Variants in PUM1 observed in about 807,000 individuals in gnomAD.
PUM1 encodes pumilio homolog 1.
Under a neutral mutation model 131.8 loss-of-function variants are expected in PUM1, and 13 were observed. The observed-to-expected ratio is 0.10, with a 90% confidence interval of 0.06 to 0.16. PUM1 has a LOEUF of 0.16. PUM1 is among the 10% of genes least tolerant of loss of function. The pLI is 1.00. For missense variants in PUM1, 961 were observed against 1,512.4 expected, an observed-to-expected ratio of 0.64 and a Z score of 6.05; for synonymous variants, 509 against 556.5, an observed-to-expected ratio of 0.91 and a Z score of 1.20.
At chr1:31,014,211 G>A (rs1484413230) in intron 3 of PUM1, among the ~76,000 whole-genome samples, 2 of 150,820 alleles carry the variant, frequency 1.3e-5, no homozygotes, top group South Asian at 2.1e-4. Flanking sequence ...CTAGGTGGGA[G>A]GATCACCTGA....
chr1:30,935,711 TA>T (rs770453802), intron 21 of PUM1: 25 of 443,728 alleles, frequency 5.6e-5, no homozygotes, highest in South Asian at 3.8e-4. Context: ...TTGAGTCCAT[TA>T]ACAAAGATTC....
At chr1:31,059,676 A>ATTT in intron 1 of PUM1, 99 bp from the exon 2 acceptor site, 1 of 1,400,924 alleles carries the variant, frequency 7.1e-7, no homozygotes, top group Non-Finnish European at 9.6e-7. Flanking sequence ...TACAATAAAT[A>ATTT]AATGTCGTTG....
intron 2 of PUM1, among the ~76,000 whole-genome samples, chr1:31,051,567 T>C (rs1477688028): frequency 1.3e-5 from 2 of 151,968 alleles, no homozygotes; most frequent in Non-Finnish European, 2.9e-5. Flanking sequence ...CCTCCCAAAG[T>C]GCTGGGATTA....
chr1:30,982,539 C>G (rs1450968082), intron 7 of PUM1, among the ~76,000 whole-genome samples: 1 of 152,224 alleles, frequency 6.6e-6, no homozygotes, highest in East Asian at 1.9e-4. Context: ...CTTCAACCTA[C>G]CTGCTCTTCC....
Position 30,964,882 on chromosome 1 carries a change from G to A in PUM1, c.2115C>T (p.Ser705=), listed in dbSNP as rs753071800. 1.2e-6 allele frequency: 2 copies of A among 1,613,956 alleles called. No homozygotes were observed. Among genetic ancestry groups the A allele is most frequent in the African/African-American group, 2.7e-5 (2 of 74,900 alleles). Residue 705 remains serine (S), a synonymous_variant, in exon 14 of 22, where the codon TCC becomes TCT. Transcript: ENST00000426105. Reference sequence around the variant, plus strand: ...TGCTGCCAGTCAGGGAGTCACGGCGGGAGCCACTGCCAGTGTTGGAGTTTG... The same window carrying A: ...TGCTGCCAGTCAGGGAGTCACGGCGAGAGCCACTGCCAGTGTTGGAGTTTG... ...AVANSNTGSG[S]RRDSLTGSSD...
At chr1:30,983,470 G>A (rs1351025389) in intron 7 of PUM1, among the ~76,000 whole-genome samples, 1 of 152,098 alleles carries the variant, frequency 6.6e-6, no homozygotes, top group Non-Finnish European at 1.5e-5. Context: ...CCTATTATTA[G>A]GCAGGTGCTG....
At chr1:30,997,643 G>C (rs78558227) in intron 5 of PUM1, among the ~76,000 whole-genome samples, 2,458 of 152,178 alleles carry the variant, frequency 0.016, 72 homozygotes, top group African/African-American at 0.055. Flanking sequence ...CTCTTCACAA[G>C]GGCTTTACTG....
Position 30,936,652 on chromosome 1 carries a change from G to C in PUM1, c.3426C>G (p.Val1142=), listed in dbSNP as rs1219470033. 1 of 1,613,516 alleles carries C rather than the reference G, an allele frequency of 6.2e-7. No individual in the cohort carries two copies. The highest frequency in any genetic ancestry group is 1.1e-5 in the South Asian group (1 of 91,016). ...GCCCAGCCCGGCCTACCTTATGCATGACGATCTTCCGCTGGCCTGGCTCCG... is the reference window on the plus strand; with the variant it reads ...GCCCAGCCCGGCCTACCTTATGCATCACGATCTTCCGCTGGCCTGGCTCCG... ...DVAEPGQRKI[V]MHKIRPHIAT... is the part of the protein sequence containing the mutation. Residue 1142 remains valine (V), a synonymous_variant, in exon 21 of 22, where the codon GTC becomes GTG. Transcript: ENST00000426105.
At chr1:31,048,108 G>A (rs1209285309) in intron 2 of PUM1, among the ~76,000 whole-genome samples, 8 of 147,356 alleles carry the variant, frequency 5.4e-5, no homozygotes, top group Non-Finnish European at 9.0e-5. Context: ...GCTTGGTGGC[G>A]GGCGCCTATA....
At chr1:31,034,721 C>A (rs1018499897) in intron 2 of PUM1, among the ~76,000 whole-genome samples, 4 of 152,118 alleles carry the variant, frequency 2.6e-5, no homozygotes, top group Admixed American at 1.3e-4. Context: ...AGTAGATTTC[C>A]ATACTTTTAA....
intron 2 of PUM1, among the ~76,000 whole-genome samples, chr1:31,057,035 C>T (rs1644256899): frequency 6.6e-6 from 1 of 152,110 alleles, no homozygotes; most frequent in Non-Finnish European, 1.5e-5. Context: ...TCAGGTGATC[C>T]ACCCACCTCG....
At chr1:31,036,039 T>C (rs1035553166) in intron 2 of PUM1, among the ~76,000 whole-genome samples, 1 of 151,904 alleles carries the variant, frequency 6.6e-6, no homozygotes, top group African/African-American at 2.4e-5. Context: ...TCCAAAATCA[T>C]GTAACTGATA....
rs935192670 is a variant in PUM1 at position 31,005,776 on chromosome 1, G to A, written c.720+77C>T. 4 of 1,383,466 alleles carry A rather than the reference G, an allele frequency of 2.9e-6. No individual in the cohort carries two copies. The Admixed American group carries it at 7.5e-5, about 26-fold the overall frequency. 85.7% of individuals were successfully genotyped at this position (1,383,466 alleles called of 1,614,324 possible). A position where few individuals can be genotyped will look rare whatever the true frequency, so the allele number is the denominator to read the frequency against. ...TAAGGAAACTAAACAGGCATGTTTT[G>A]CTTTAGGGGAAAAAAAGAGAGAGAG... On this transcript the variant is annotated intron_variant, in intron 5 of 21. Coordinates refer to ENST00000426105, the MANE Select transcript of PUM1 (RefSeq NM_001020658.2).
At chr1:31,051,925 T>G (rs955975144) in intron 2 of PUM1, among the ~76,000 whole-genome samples, 1 of 152,288 alleles carries the variant, frequency 6.6e-6, no homozygotes, top group South Asian at 2.1e-4. Context: ...AGTCAAAGAC[T>G]TGACCTTAGG....
At chr1:30,991,955 TTTAACTG>T (rs1461468269) in intron 7 of PUM1, among the ~76,000 whole-genome samples, 1 of 152,240 alleles carries the variant, frequency 6.6e-6, no homozygotes, top group Admixed American at 6.5e-5. Flanking sequence ...GAGTAACTTG[TTTAACTG>T]TAAGACACAA....
At chr1:30,991,507 G>A (rs931086693) in intron 7 of PUM1, among the ~76,000 whole-genome samples, 3 of 152,156 alleles carry the variant, frequency 2.0e-5, no homozygotes, top group Admixed American at 6.5e-5. Context: ...AAGACCATAA[G>A]CTAATTTCCC....
chr1:31,025,767 G>A (rs1023715344), intron 3 of PUM1, among the ~76,000 whole-genome samples: 9 of 151,890 alleles, frequency 5.9e-5, no homozygotes, highest in South Asian at 4.2e-4. Context: ...TGTTGACCAG[G>A]CTGGTCTCAA....
rs745308266 is a variant in PUM1, at chr1:30,953,991, A to G, written c.2324-10T>C. On this transcript the variant is annotated splice_polypyrimidine_tract_variant and intron_variant, in intron 14 of 21. Transcript: ENST00000426105. ...CCATTCGTGAGTCCTCCTGTTGGTT[A>G]CAGAACAGGATAACTTAAGACCACT... 1.6e-5 allele frequency: 25 copies of G among 1,612,572 alleles called. No homozygotes were observed. The highest frequency in any genetic ancestry group is 1.7e-5 in the Non-Finnish European group (20 of 1,178,988).
At chr1:31,025,711 A>T (rs1411446430) in intron 3 of PUM1, among the ~76,000 whole-genome samples, 1 of 150,612 alleles carries the variant, frequency 6.6e-6, no homozygotes, top group Non-Finnish European at 1.5e-5. Context: ...GCACACCATC[A>T]CGCCCAGCTA....
Sources: allele counts gnomAD v4.1 joint callset (sites outside exome capture counted in the v4.1 genomes callset), GRCh38; gene constraint gnomAD v4.1.1; transcripts MANE v1.5; gene names NCBI Gene and HGNC (gene_info 2026-07-23, HGNC 2026-07-21).